PLEKHA2: variants seen among roughly 807,000 people sequenced by gnomAD.
The protein encoded by PLEKHA2 is pleckstrin homology domain-containing family A member 2.
PLEKHA2 carries 28 observed loss-of-function variants against 53.2 expected under a neutral mutation model. That is an observed-to-expected ratio of 0.53 (90% CI 0.39 to 0.72). The LOEUF (loss-of-function observed/expected upper bound fraction) is 0.72. Among genes scored for constraint, PLEKHA2 ranks in the 30% least tolerant of loss-of-function variants. The pLI, the probability that PLEKHA2 is intolerant of heterozygous loss-of-function variation, is 0.00. For missense variants in PLEKHA2, 426 were observed against 537.9 expected (o/e 0.79, Z 2.06); for synonymous variants, 193 against 196.4 (o/e 0.98, Z 0.14).
Position 38,918,098 on chromosome 8 carries a change from G to A in PLEKHA2, c.141+28G>A, listed in dbSNP as rs1399083640. 5.0e-6 allele frequency: 8 copies of A among 1,604,572 alleles called. No individual in the cohort carries two copies. In the African/African-American group the frequency reaches 6.7e-5, roughly 13 times the overall value. On this transcript the variant is annotated intron_variant, in intron 2 of 11. Coordinates refer to ENST00000617275, the MANE Select transcript of PLEKHA2 (RefSeq NM_021623.2). ...GAGAGGGTCAGTGGGAAGGGGTGGG[G>A]CGACTGGGTGCCCATCACTGCGCCA...
intron 1 of PLEKHA2, 106 bp from the exon 2 acceptor site, chr8:38,917,801 G>A: frequency 7.7e-7 from 1 of 1,299,318 alleles, no homozygotes; most frequent in Non-Finnish European, 1.1e-6. Context: ...CCCCACGGAA[G>A]GAAGCTGGTG....
At chr8:38,915,114 T>C (rs964099675) in intron 1 of PLEKHA2, among the ~76,000 whole-genome samples, 1 of 152,052 alleles carries the variant, frequency 6.6e-6, no homozygotes, top group Non-Finnish European at 1.5e-5. Context: ...CTGGCTAATT[T>C]TTAAATTGTT....
At position 38,973,006 on chromosome 8, in the gene PLEKHA2, T is replaced by C. The variant is rs1355655148; in HGVS notation, c.*3223T>C. ...AGGCTGGAGTGCAGTGGCCTGATCATGGCTCACTGCAGCCTGGACCTCCTG... is the reference window on the plus strand; with the variant it reads ...AGGCTGGAGTGCAGTGGCCTGATCACGGCTCACTGCAGCCTGGACCTCCTG... On this transcript the variant is annotated 3_prime_UTR_variant, in exon 12 of 12. Coordinates refer to ENST00000617275, the MANE Select transcript of PLEKHA2 (RefSeq NM_021623.2). 1 of 152,236 alleles carries C rather than the reference T, an allele frequency of 6.6e-6. No homozygotes were observed. Among genetic ancestry groups the C allele is most frequent in the African/African-American group, 2.4e-5 (1 of 41,432 alleles). 9.4% of individuals were successfully genotyped at this position (152,236 alleles called of 1,614,324 possible). A position where few individuals can be genotyped will look rare whatever the true frequency, so the allele number is the denominator to read the frequency against.
At chr8:38,943,743 TTG>T (rs1477519987) in intron 3 of PLEKHA2, 44 bp from the exon 4 acceptor site, 2 of 1,417,382 alleles carry the variant, frequency 1.4e-6, no homozygotes, top group South Asian at 2.6e-5. Context: ...ATCTTCAACA[TTG>T]TAAGACACAT....
chr8:38,929,070 C>G (rs1834342218), intron 2 of PLEKHA2, among the ~76,000 whole-genome samples: 2 of 152,256 alleles, frequency 1.3e-5, no homozygotes, highest in Non-Finnish European at 2.9e-5. Context: ...ACCCCCTCTG[C>G]AGGCACATTC....
In PLEKHA2 at chr8:38,924,143, C is replaced by T. The variant is rs796686560; in HGVS notation, c.141+6073C>T. On this transcript the variant is annotated intron_variant, in intron 2 of 11. Transcript: ENST00000617275. ...TGGGTTACAGATGTGAGCCACTACG[C>T]CTGGCCCGGTTTTCACTTACAAGAT... Among the ~76,000 whole-genome samples, 13 of 152,302 alleles carry T rather than the reference C, an allele frequency of 8.5e-5. 1 individual carries two copies. The South Asian group carries it at 1.9e-3, about 22-fold the overall frequency.
chr8:38,946,316 G>T, intron 5 of PLEKHA2, 95 bp downstream of exon 5: 1 of 1,089,982 alleles, frequency 9.2e-7, no homozygotes, highest in Non-Finnish European at 1.4e-6. Flanking sequence ...GATGGCAGCG[G>T]GGACTTTCCC....
Position 38,972,945 on chromosome 8 carries a change from T to G in PLEKHA2, c.*3162T>G, listed in dbSNP as rs1437394623. 1 of 152,114 alleles carries G rather than the reference T, an allele frequency of 6.6e-6. No individual in the cohort carries two copies. Among genetic ancestry groups the G allele is most frequent in the Non-Finnish European group, 1.5e-5 (1 of 68,038 alleles). 9.4% of individuals were successfully genotyped at this position (152,114 alleles called of 1,614,324 possible). ...ATAATGCCATCCATTATTCTTTAAT[T>G]TTTATTTTTAGAAACAGTGTTTCAC... On this transcript the variant is annotated 3_prime_UTR_variant, in exon 12 of 12. Transcript: ENST00000617275.
chr8:38,962,039 GC>G (rs1376617579), intron 10 of PLEKHA2, among the ~76,000 whole-genome samples: 2 of 152,198 alleles, frequency 1.3e-5, no homozygotes, highest in African/African-American at 4.8e-5. Flanking sequence ...TTAAATCTCA[GC>G]CGTCTCTGAA....
rs367736593 is a variant in PLEKHA2, at chr8:38,962,550, G to A, written c.837+5164G>A. On this transcript the variant is annotated intron_variant, in intron 10 of 11. Transcript: ENST00000617275. ...GCAGGTAGAAAGGCCAGTGATTTCA[G>A]CAAGCTTGTAAGCAGGTAAACAGTT... Among the ~76,000 whole-genome samples, 77 of 152,288 alleles carry A rather than the reference G, an allele frequency of 5.1e-4. No homozygotes were observed. The South Asian group carries it at 0.013, about 25-fold the overall frequency.
At chr8:38,931,556 C>A (rs1224713610) in intron 2 of PLEKHA2, among the ~76,000 whole-genome samples, 1 of 152,158 alleles carries the variant, frequency 6.6e-6, no homozygotes, top group Non-Finnish European at 1.5e-5. Flanking sequence ...ACTGAAGTGA[C>A]CCCCAAGTTG....
chr8:38,917,996 G>C lies in PLEKHA2; in HGVS notation c.67G>C (p.Gly23Arg), dbSNP rs773519581. Residue 23 changes from glycine (G) to arginine (R), a missense_variant, in exon 2 of 12, where the codon GGC becomes CGC. Transcript: ENST00000617275. ...GGACATCGAGGAGCATGAGAACAGC[G>C]GCAAGTTTCTGCGGAGGTACTTCAT... ...FLDIEEHENS[G>R]KFLRRYFILD... 6.2e-7 allele frequency: 1 copy of C among 1,613,608 alleles called. No homozygotes were observed.
At chr8:38,903,929 C>T (rs1833831630) in intron 1 of PLEKHA2, among the ~76,000 whole-genome samples, 1 of 152,154 alleles carries the variant, frequency 6.6e-6, no homozygotes, top group Non-Finnish European at 1.5e-5. Context: ...CCTTACTTTC[C>T]GTTTTCCATC....
At chr8:38,942,836 C>T (rs1330387047) in intron 3 of PLEKHA2, among the ~76,000 whole-genome samples, 1 of 152,204 alleles carries the variant, frequency 6.6e-6, no homozygotes, top group Admixed American at 6.5e-5. Flanking sequence ...AATACAGCAA[C>T]AGGAGGTATA....
chr8:38,961,985 A>T (rs1588277451), intron 10 of PLEKHA2, among the ~76,000 whole-genome samples: 1 of 152,260 alleles, frequency 6.6e-6, no homozygotes. Flanking sequence ...GTTAAAGTTT[A>T]TCACTTTGTA....
chr8:38,924,114 G>A (rs1200930383), intron 2 of PLEKHA2, among the ~76,000 whole-genome samples: 2 of 152,294 alleles, frequency 1.3e-5, no homozygotes, highest in South Asian at 2.1e-4. Flanking sequence ...GGCATCCAAA[G>A]TGCTGGGTTA....
intron 1 of PLEKHA2, among the ~76,000 whole-genome samples, chr8:38,906,198 C>T (rs2056170): frequency 0.52 from 78,578 of 152,126 alleles, 21,194 homozygotes; most frequent in Admixed American, 0.62. Flanking sequence ...AGTATGGCTG[C>T]GTGCCTGCAC....
At position 38,961,398 on chromosome 8, in the gene PLEKHA2, G is replaced by A. The variant is rs564938889; in HGVS notation, c.837+4012G>A. 5.3e-5 allele frequency among the ~76,000 whole-genome samples: 8 copies of A among 152,086 alleles called. No homozygotes were observed. The East Asian group carries it at 1.5e-3, about 29-fold the overall frequency. On this transcript the variant is annotated intron_variant, in intron 10 of 11. Transcript: ENST00000617275. ...TTAAAAATACAAAAATTAGCGGGGT[G>A]TGGTGGTGCGCACCTGTAATCCCAG...
Position 38,908,278 on chromosome 8 carries a change from A to G in PLEKHA2, c.-24+6833A>G, listed in dbSNP as rs550003857. Reference sequence around the variant, plus strand: ...GGAAAGGCGCTCAGAGGATGTTGCCATACGAAGTAAGAAACCCAAACAGCT... The same window carrying G: ...GGAAAGGCGCTCAGAGGATGTTGCCGTACGAAGTAAGAAACCCAAACAGCT... On this transcript the variant is annotated intron_variant, in intron 1 of 11. Transcript: ENST00000617275. 3.3e-5 allele frequency among the ~76,000 whole-genome samples: 5 copies of G among 152,370 alleles called. No homozygotes were observed. In the South Asian group the frequency reaches 1.0e-3, roughly 32 times the overall value.
Sources: allele counts gnomAD v4.1 joint callset (sites outside exome capture counted in the v4.1 genomes callset), GRCh38; gene constraint gnomAD v4.1.1; transcripts MANE v1.5; gene names NCBI Gene and HGNC (gene_info 2026-07-23, HGNC 2026-07-21).